Variants in WDPCP observed in about 807,000 individuals in gnomAD.
WDPCP encodes WD repeat containing planar cell polarity effector, also known as WD repeat-containing and planar cell polarity effector protein fritz homolog.
A neutral mutation model predicts 93.1 loss-of-function variants in WDPCP; 71 were observed. That is an observed-to-expected ratio of 0.76 (90% CI 0.63 to 0.93). WDPCP has a LOEUF of 0.93. Among genes scored for constraint, WDPCP ranks in the 40% least tolerant of loss-of-function variants. WDPCP has a pLI of 0.00. For synonymous variants in WDPCP, 315 were observed against 315.0 expected, an observed-to-expected ratio of 1.00 and a Z score of 0.00; for missense variants, 844 against 887.4, an observed-to-expected ratio of 0.95 and a Z score of 0.62.
intron 6 of WDPCP, among the ~76,000 whole-genome samples, chr2:63,464,557 C>T (rs146717921): frequency 7.2e-5 from 11 of 151,778 alleles, no homozygotes; most frequent in African/African-American, 2.4e-4. Flanking sequence ...GAATTGAAAG[C>T]GGGGTCTTGA....
At position 63,313,886 on chromosome 2, in the gene WDPCP, A is replaced by ATGTGTGTGTGTATATATATATATT; in HGVS notation, c.1749-576_1749-575insAATATATATATATACACACACACA. Among the ~76,000 whole-genome samples the ATGTGTGTGTGTATATATATATATT allele has an allele frequency of 2.7e-5, 2 of 74,502 alleles. 1 individual carries two copies. The highest frequency in any genetic ancestry group is 3.3e-4 in the Admixed American group (2 of 6,004). 48.9% of individuals were successfully genotyped at this position (74,502 alleles called of 152,430 possible). On this transcript the variant is annotated intron_variant, in intron 12 of 17. Transcript: ENST00000272321. ...TATATATATATATATATATATATAT[A>ATGTGTGTGTGTATATATATATATT]TTTTTTTTTTTTTGGAGATGGAGTC...
At chr2:63,720,416 T>A (rs371042112) in intron 2 of WDPCP, among the ~76,000 whole-genome samples, 1,295 of 124,762 alleles carry the variant, frequency 0.01, 12 homozygotes, top group Non-Finnish European at 0.013. Context: ...GACTCTACCT[T>A]AAAAAAAAAA....
At chr2:63,767,815 A>G (rs1326625991) in intron 2 of WDPCP, among the ~76,000 whole-genome samples, 1 of 152,054 alleles carries the variant, frequency 6.6e-6, no homozygotes, top group East Asian at 1.9e-4. Flanking sequence ...GTGTCTTTCT[A>G]TCAGCAAAAT....
intron 3 of WDPCP, among the ~76,000 whole-genome samples, chr2:63,641,481 AT>A (rs1054377019): frequency 1.3e-5 from 2 of 152,114 alleles, no homozygotes; most frequent in African/African-American, 4.8e-5. Flanking sequence ...GATATAAACC[AT>A]TTTAACTGGG....
chr2:63,414,095 A>G (rs1695226762), intron 9 of WDPCP, among the ~76,000 whole-genome samples: 1 of 152,210 alleles, frequency 6.6e-6, no homozygotes. Flanking sequence ...ATCACTAATG[A>G]TCAGGGAAAT....
intron 14 of WDPCP, among the ~76,000 whole-genome samples, chr2:63,243,109 G>A (rs377074269): frequency 2.0e-4 from 30 of 152,228 alleles, no homozygotes; most frequent in East Asian, 1.9e-3. Flanking sequence ...GTATTGTACT[G>A]TAGACATATG....
At position 63,303,762 on chromosome 2, in the gene WDPCP, G is replaced by A. The variant is rs1368364434; in HGVS notation, c.1812+9486C>T. On this transcript the variant is annotated intron_variant, in intron 13 of 17. Coordinates refer to ENST00000272321, the MANE Select transcript of WDPCP (RefSeq NM_015910.7). ...CTGGGGCAATGGGAATGCTAAAGAAGGCCTTGGTAAACAACCCAGCAAGAG... is the reference window on the plus strand; with the variant it reads ...CTGGGGCAATGGGAATGCTAAAGAAAGCCTTGGTAAACAACCCAGCAAGAG... Among the ~76,000 whole-genome samples, 3 of 152,024 alleles carry A rather than the reference G, an allele frequency of 2.0e-5. No individual in the cohort carries two copies. The East Asian group carries it at 5.8e-4, about 29-fold the overall frequency.
At chr2:63,236,067 C>A (rs1679368388) in intron 14 of WDPCP, among the ~76,000 whole-genome samples, 1 of 152,140 alleles carries the variant, frequency 6.6e-6, no homozygotes, top group East Asian at 1.9e-4. Flanking sequence ...TAATATGATT[C>A]TGTATGTAGA....
chr2:63,475,420 TAA>T (rs1026800492), intron 6 of WDPCP, among the ~76,000 whole-genome samples: 1 of 152,226 alleles, frequency 6.6e-6, no homozygotes, highest in African/African-American at 2.4e-5. Context: ...CCTCTGAACT[TAA>T]GATACTGTAC....
At chr2:63,361,409 T>G (rs765087566) in intron 12 of WDPCP, among the ~76,000 whole-genome samples, 3 of 152,194 alleles carry the variant, frequency 2.0e-5, no homozygotes, top group Non-Finnish European at 4.4e-5. Context: ...ACAGCCTCAA[T>G]AGCTACAAAA....
chr2:63,215,431 C>G (rs572839341), intron 14 of WDPCP, among the ~76,000 whole-genome samples: 6 of 152,300 alleles, frequency 3.9e-5, no homozygotes, highest in African/African-American at 1.4e-4. Flanking sequence ...TGATCTTTGA[C>G]AAACCTGACA....
intron 14 of WDPCP, among the ~76,000 whole-genome samples, chr2:63,215,205 G>A (rs150041069): frequency 0.017 from 2,575 of 152,188 alleles, 77 homozygotes; most frequent in African/African-American, 0.059. Flanking sequence ...GAGGCATCAT[G>A]CTACCTGACT....
intron 14 of WDPCP, among the ~76,000 whole-genome samples, chr2:63,221,511 G>T (rs902243309): frequency 6.6e-6 from 1 of 152,196 alleles, no homozygotes; most frequent in Non-Finnish European, 1.5e-5. Context: ...GAGAGGACAT[G>T]TTTGTTATAA....
chr2:63,247,812 G>A (rs1318438425), intron 14 of WDPCP, among the ~76,000 whole-genome samples: 1 of 151,630 alleles, frequency 6.6e-6, no homozygotes, highest in Non-Finnish European at 1.5e-5. Context: ...TGTTTGTTTT[G>A]TTTTGTTTTT....
At chr2:63,288,856 G>C (rs573809623) in intron 13 of WDPCP, among the ~76,000 whole-genome samples, 1 of 151,992 alleles carries the variant, frequency 6.6e-6, no homozygotes, top group African/African-American at 2.4e-5. Flanking sequence ...TATGAACTTA[G>C]CATTTTTGAA....
chr2:63,352,760 A>G (rs1689724152), intron 12 of WDPCP, among the ~76,000 whole-genome samples: 1 of 152,220 alleles, frequency 6.6e-6, no homozygotes, highest in Non-Finnish European at 1.5e-5. Context: ...CATTAAGGCT[A>G]GGAACATACA....
intron 1 of WDPCP, among the ~76,000 whole-genome samples, chr2:63,493,145 T>A (rs1700998913): frequency 6.6e-6 from 1 of 152,200 alleles, no homozygotes; most frequent in Non-Finnish European, 1.5e-5. Flanking sequence ...CTTCTTTTCC[T>A]GGATTTAGTA....
intron 1 of WDPCP, among the ~76,000 whole-genome samples, chr2:63,529,032 T>C (rs1360362432): frequency 6.6e-6 from 1 of 152,222 alleles, no homozygotes; most frequent in African/African-American, 2.4e-5. Context: ...TATTGATGTA[T>C]AAGAATGACT....
At chr2:63,732,595 T>C (rs1575760588) in intron 2 of WDPCP, among the ~76,000 whole-genome samples, 1 of 152,256 alleles carries the variant, frequency 6.6e-6, no homozygotes, top group East Asian at 1.9e-4. Context: ...TATAGGAGTC[T>C]ACAAGAAATA....
Sources: gnomAD v4.1 joint callset for allele counts (sites outside exome capture counted in the v4.1 genomes callset) on GRCh38, gnomAD v4.1.1 for gene constraint, MANE v1.5 for transcripts, NCBI Gene and HGNC (gene_info 2026-07-23, HGNC 2026-07-21) for gene names.